TG: variants seen among roughly 807,000 people sequenced by gnomAD.
The protein encoded by TG is thyroid hormones.
Under a neutral mutation model 324.7 loss-of-function variants are expected in TG, and 270 were observed. That is an observed-to-expected ratio of 0.83 (90% CI 0.75 to 0.92). The LOEUF (loss-of-function observed/expected upper bound fraction) is 0.92. Ranked by LOEUF, TG falls within the 40% of genes least tolerant of loss-of-function variation. The pLI is 0.00. For missense variants in TG, 3,591 were observed against 3,456.4 expected (o/e 1.04, Z -0.98); for synonymous variants, 1,401 against 1,327.0 (o/e 1.06, Z -1.21).
chr8:133,111,665 G>A (rs1367550104), intron 43 of TG, among the ~76,000 whole-genome samples: 1 of 152,168 alleles, frequency 6.6e-6, no homozygotes, highest in African/African-American at 2.4e-5. Context: ...TTATTCGTGA[G>A]TGCTATTTCA....
At chr8:133,082,506 T>G (rs1845905554) in intron 41 of TG, among the ~76,000 whole-genome samples, 1 of 152,210 alleles carries the variant, frequency 6.6e-6, no homozygotes, top group African/African-American at 2.4e-5. Flanking sequence ...GCCCATGGAA[T>G]TATCCTGATA....
chr8:132,869,319 A>G (rs1587155588), intron 2 of TG, among the ~76,000 whole-genome samples: 1 of 151,964 alleles, frequency 6.6e-6, no homozygotes, highest in Non-Finnish European at 1.5e-5. Flanking sequence ...TTCCCAATAT[A>G]CCCTGCTGGC....
Position 132,873,236 on chromosome 8 carries a change from G to C in TG, c.638+15G>C, listed in dbSNP as rs568967132. ...AGCTACAACAGGTAAGGGGAGCAGG[G>C]GTGTGCCAGTCACTGGGCCATCACC... is the stretch of plus-strand genomic sequence containing the variant. On this transcript the variant is annotated intron_variant, in intron 5 of 47. Transcript: ENST00000220616. 23 of 1,613,814 alleles carry C rather than the reference G, an allele frequency of 1.4e-5. No individual in the cohort carries two copies. The African/African-American group carries it at 2.9e-4, about 21-fold the overall frequency.
chr8:132,908,039 C>G, intron 17 of TG, 147 bp from the exon 18 acceptor site: 1 of 926,426 alleles, frequency 1.1e-6, no homozygotes, highest in Non-Finnish European at 1.7e-6. Context: ...CTGGAAAGTA[C>G]TTAGACTCAG....
chr8:133,093,427 T>G (rs1314417518), intron 41 of TG, among the ~76,000 whole-genome samples: 1 of 152,114 alleles, frequency 6.6e-6, no homozygotes, highest in Admixed American at 6.5e-5. Flanking sequence ...GAGCCTTGCT[T>G]TGTTTTAAAG....
intron 10 of TG, among the ~76,000 whole-genome samples, chr8:132,892,776 GGTGT>G (rs963191690): frequency 1.8e-4 from 27 of 151,162 alleles, no homozygotes; most frequent in Admixed American, 1.4e-3. Flanking sequence ...TATGTGCATA[GGTGT>G]GTGTGTATGT....
chr8:133,103,340 T>C (rs1336139334), intron 43 of TG, among the ~76,000 whole-genome samples: 1 of 152,102 alleles, frequency 6.6e-6, no homozygotes, highest in Non-Finnish European at 1.5e-5. Flanking sequence ...CTCATGGCTC[T>C]AGGATGCCCT....
intron 36 of TG, among the ~76,000 whole-genome samples, chr8:133,012,380 G>A (rs572839797): frequency 1.3e-5 from 2 of 152,318 alleles, no homozygotes; most frequent in Admixed American, 1.3e-4. Context: ...GTGGTGAGGA[G>A]GAAGTACACT....
chr8:132,995,438 C>T (rs1832779827), intron 35 of TG: 3 of 985,290 alleles, frequency 3.0e-6, no homozygotes, highest in Non-Finnish European at 3.6e-6. Flanking sequence ...TGAGCTTGGG[C>T]AAGTTCCCTA....
At chr8:132,969,910 C>CAA (rs11335158) in intron 32 of TG, among the ~76,000 whole-genome samples, 116 of 57,920 alleles carry the variant, frequency 2.0e-3, no homozygotes, top group Non-Finnish European at 2.2e-3. Context: ...GAGACTCTGT[C>CAA]AAAAAAAAAA....
At position 132,988,788 on chromosome 8, in the gene TG, C is replaced by T. The variant is rs548115819; in HGVS notation, c.6262+5376C>T. 3.4e-4 allele frequency: 339 copies of T among 985,386 alleles called. 5 individuals are homozygous for T. In the South Asian group the frequency reaches 0.013, roughly 38 times the overall value. The allele number at this position is 985,386 out of a possible 1,614,324, so 61.0% of individuals were successfully genotyped here. ...CAGTGTTGGAGCCTGCCTGTGTGAT[C>T]GTCGCACCCCTTCCCTGCTTCCCAA... On this transcript the variant is annotated intron_variant, in intron 35 of 47. Coordinates refer to ENST00000220616, the MANE Select transcript of TG (RefSeq NM_003235.5).
Position 133,096,317 on chromosome 8 carries a change from C to G in TG, c.7516C>G (p.Leu2506Val), listed in dbSNP as rs1848406095. ...LKRSLWVEVD[L>V]LIGSSQDDGL... ...GAGGTCTTTATGGGTAGAGGTCGAT[C>G]TGCTCATTGGGAGTTCTCAGGACGA... is the stretch of plus-strand genomic sequence containing the variant. Residue 2506 changes from leucine to valine, a missense_variant, in exon 43 of 48, where the codon CTG (leucine) becomes GTG (valine). Physicochemically the swap from Leu to Val is conservative, Grantham distance 32. Coordinates refer to ENST00000220616, the MANE Select transcript of TG (RefSeq NM_003235.5). 1.2e-6 allele frequency: 2 copies of G among 1,614,082 alleles called. No individual in the cohort carries two copies. Among genetic ancestry groups the G allele is most frequent in the African/African-American group, 1.3e-5 (1 of 74,932 alleles).
intron 41 of TG, among the ~76,000 whole-genome samples, chr8:133,035,908 A>G (rs569875019): frequency 6.6e-5 from 10 of 152,278 alleles, no homozygotes; most frequent in South Asian, 2.1e-4. Context: ...GATCCTTTCA[A>G]TGGCTCCTCA....
Position 132,898,903 on chromosome 8 carries a change from G to T in TG, c.3323G>T (p.Cys1108Phe), listed in dbSNP as rs746002205. 1.9e-6 allele frequency: 3 copies of T among 1,613,754 alleles called. No homozygotes were observed. The highest frequency in any genetic ancestry group is 2.5e-6 in the Non-Finnish European group (3 of 1,179,754). ...PSPKDLFVPA[C>F]LETGEYARLQ... ...CCAAAAGACCTGTTCGTCCCAGCCT[G>T]CCTAGAAGTAAGGGTCTGGAAGCAC... Residue 1108 changes from cysteine to phenylalanine, a missense_variant, in exon 14 of 48, where the codon TGC (cysteine) becomes TTC (phenylalanine). Physicochemically the swap from Cys to Phe is radical, Grantham distance 205 (BLOSUM62 -2). Transcript: ENST00000220616.
intron 35 of TG, among the ~76,000 whole-genome samples, chr8:132,990,409 G>T (rs1026023547): frequency 6.6e-6 from 1 of 151,942 alleles, no homozygotes; most frequent in Non-Finnish European, 1.5e-5. Context: ...CGCCTCAAAT[G>T]TTTATCATTT....
chr8:132,898,321 T>A, intron 13 of TG, 75 bp downstream of exon 13: 1 of 1,419,870 alleles, frequency 7.0e-7, no homozygotes, highest in Non-Finnish European at 9.7e-7. Context: ...TGTGGTTGCC[T>A]AACCGCTGGA....
chr8:133,021,730 A>G (rs963493623), intron 39 of TG, among the ~76,000 whole-genome samples: 3 of 152,066 alleles, frequency 2.0e-5, no homozygotes, highest in Non-Finnish European at 1.5e-5. Flanking sequence ...CTCTTCTTAT[A>G]AGGACACCGG....
chr8:133,120,868 G>C (rs955752673), intron 45 of TG, among the ~76,000 whole-genome samples: 1 of 152,184 alleles, frequency 6.6e-6, no homozygotes, highest in Admixed American at 6.5e-5. Flanking sequence ...AATGGCAATG[G>C]CCCAAAGTGG....
At position 132,967,894 on chromosome 8, in the gene TG, T is replaced by C; in HGVS notation, c.5787T>C (p.Asp1929=). Reference sequence around the variant, plus strand: ...TCTACCCAGAGGCACAGGTGTGTGATGACATCATGGAGTCCAATGCCCAGG... The same window carrying C: ...TCTACCCAGAGGCACAGGTGTGTGACGACATCATGGAGTCCAATGCCCAGG... ...CTLYPEAQVC[D]DIMESNAQGC... The change falls in exon 31 of 48, where the codon GAT becomes GAC. Residue 1929 remains aspartate, a synonymous_variant. Transcript: ENST00000220616. 6.2e-7 allele frequency: 1 copy of C among 1,614,034 alleles called. No individual in the cohort carries two copies. Among genetic ancestry groups the C allele is most frequent in the Non-Finnish European group, 8.5e-7 (1 of 1,179,956 alleles).
Sources: allele counts gnomAD v4.1 joint callset (sites outside exome capture counted in the v4.1 genomes callset), GRCh38; gene constraint gnomAD v4.1.1; transcripts MANE v1.5; gene names NCBI Gene and HGNC (gene_info 2026-07-23, HGNC 2026-07-21).